DST: variants seen among roughly 807,000 people sequenced by gnomAD.
DST encodes dystonin, also known as bullous pemphigoid antigen.
A neutral mutation model predicts 875.2 loss-of-function variants in DST; 253 were observed. That is an observed-to-expected ratio of 0.29 (90% confidence interval 0.26 to 0.32). The LOEUF is 0.32. Among genes scored for constraint, DST ranks in the 10% least tolerant of loss-of-function variants. The pLI is 1.00. For missense variants in DST, 8,287 were observed against 9,111.6 expected (o/e 0.91, Z 3.68); for synonymous variants, 3,124 against 3,197.1 (o/e 0.98, Z 0.77).
Position 56,639,291 on chromosome 6 carries a change from G to A in DST, c.2932C>T (p.Leu978=). The change falls in exon 22 of 104, where the codon CTA becomes TTA. Residue 978 remains leucine (L), a synonymous_variant. Coordinates refer to ENST00000680361, the MANE Select transcript of DST (RefSeq NM_001374736.1). ...SVQEIAEQLL[L]ENHPARLTIE... ...GTTAACCGGGCTGGATGATTTTCTA[G>A]AAGTAGCTGCTCTGCTATCTCCTGA... is the stretch of plus-strand genomic sequence containing the variant. 1 of 1,613,806 alleles carries A rather than the reference G, an allele frequency of 6.2e-7. No homozygotes were observed. The highest frequency in any genetic ancestry group is 1.1e-5 in the South Asian group (1 of 91,076).
chr6:56,644,776 G>C (rs1359660771), intron 15 of DST, among the ~76,000 whole-genome samples: 1 of 152,162 alleles, frequency 6.6e-6, no homozygotes, highest in Non-Finnish European at 1.5e-5. Flanking sequence ...AGAGAGCAAG[G>C]GGGCTGGAGA....
chr6:56,711,557 A>G (rs1320847623), intron 5 of DST, among the ~76,000 whole-genome samples: 4 of 152,112 alleles, frequency 2.6e-5, no homozygotes, highest in Admixed American at 2.6e-4. Flanking sequence ...GTGTGGGGTA[A>G]TTATAATGTA....
At chr6:56,819,023 A>T (rs1232496013) in intron 4 of DST, among the ~76,000 whole-genome samples, 1 of 152,172 alleles carries the variant, frequency 6.6e-6, no homozygotes. Context: ...TCTTCAGAAA[A>T]AAAATACTAC....
intron 2 of DST, among the ~76,000 whole-genome samples, chr6:56,950,855 G>T (rs1174560942): frequency 6.6e-6 from 1 of 152,054 alleles, no homozygotes; most frequent in Non-Finnish European, 1.5e-5. Flanking sequence ...AAATAAAAAG[G>T]GTTGGCAGTT....
intron 3 of DST, among the ~76,000 whole-genome samples, chr6:56,899,737 C>T (rs891879990): frequency 2.0e-5 from 3 of 152,048 alleles, no homozygotes; most frequent in Non-Finnish European, 2.9e-5. Flanking sequence ...TGAGCCAGAA[C>T]CAAGGAAAGA....
At chr6:56,556,006 C>T (rs561677833) in intron 59 of DST, among the ~76,000 whole-genome samples, 166 bp from the exon 60 acceptor site, 3 of 152,200 alleles carry the variant, frequency 2.0e-5, no homozygotes, top group Non-Finnish European at 2.9e-5. Context: ...CTCTTAAATC[C>T]GAAGAGCCAC....
At chr6:56,859,905 G>T (rs756236242) in intron 3 of DST, among the ~76,000 whole-genome samples, 1 of 152,084 alleles carries the variant, frequency 6.6e-6, no homozygotes, top group Non-Finnish European at 1.5e-5. Context: ...TCGAGCCTCC[G>T]CAGTCCCTTC....
intron 10 of DST, among the ~76,000 whole-genome samples, chr6:56,667,755 T>C (rs1276993164): frequency 1.3e-5 from 2 of 151,898 alleles, no homozygotes. Context: ...TTGTAGGAAA[T>C]TTTAGGATCT....
intron 2 of DST, among the ~76,000 whole-genome samples, chr6:56,936,456 G>C (rs1351869159): frequency 6.6e-6 from 1 of 152,150 alleles, no homozygotes; most frequent in Non-Finnish European, 1.5e-5. Flanking sequence ...ACCCAGAAAT[G>C]GGTACTGATG....
Position 56,608,436 on chromosome 6 carries a change from T to C in DST, c.6192A>G (p.Glu2064=), listed in dbSNP as rs766648565. 6.2e-7 allele frequency: 1 copy of C among 1,613,736 alleles called. No homozygotes were observed. Among genetic ancestry groups the C allele is most frequent in the Non-Finnish European group, 8.5e-7 (1 of 1,179,784 alleles). The change falls in exon 40 of 104, where the codon GAA becomes GAG. Residue 2064 remains glutamate (E), a synonymous_variant. Coordinates refer to ENST00000680361, the MANE Select transcript of DST (RefSeq NM_001374736.1). ...ITSSSALLVL[E]AQRGYVGLIW... ...TGAGTCCAACATAGCCTCGCTGAGC[T>C]TCCAGGACCAGAAGAGCACTGCTGG...
chr6:56,669,599 AAAAAAAAAAAAG>A (rs991473567), intron 10 of DST, among the ~76,000 whole-genome samples: 2 of 151,624 alleles, frequency 1.3e-5, no homozygotes, highest in African/African-American at 2.4e-5. Flanking sequence ...TCATCTCAAA[AAAAAAAAAAAAG>A]AAAAAGTAGT....
chr6:56,571,451 A>G (rs1320952923), intron 53 of DST, among the ~76,000 whole-genome samples: 1 of 152,214 alleles, frequency 6.6e-6, no homozygotes, highest in Admixed American at 6.5e-5. Context: ...AATAAAGAAC[A>G]GTAGTTGGAA....
intron 49 of DST, among the ~76,000 whole-genome samples, chr6:56,590,030 C>T (rs949417621): frequency 3.3e-5 from 5 of 152,166 alleles, no homozygotes; most frequent in Non-Finnish European, 7.3e-5. Flanking sequence ...GCCACCTAAT[C>T]CTCATAAAAA....
At chr6:56,532,233 T>G in intron 64 of DST, 111 bp downstream of exon 64, 1 of 998,654 alleles carries the variant, frequency 1.0e-6, no homozygotes, top group Non-Finnish European at 1.5e-6. Context: ...TTCACATACA[T>G]GATAAACATA....
intron 2 of DST, among the ~76,000 whole-genome samples, chr6:56,916,432 C>T (rs1288171401): frequency 6.6e-6 from 1 of 152,174 alleles, no homozygotes; most frequent in African/African-American, 2.4e-5. Flanking sequence ...TTGAGCATCA[C>T]TCCTGCCAGT....
intron 4 of DST, among the ~76,000 whole-genome samples, chr6:56,789,598 C>T (rs2099711429): frequency 6.6e-6 from 1 of 152,202 alleles, no homozygotes; most frequent in Admixed American, 6.5e-5. Flanking sequence ...CGTTAAACAA[C>T]TCTCAATTTC....
intron 85 of DST, 125 bp downstream of exon 85, chr6:56,492,102 A>G: frequency 1.1e-6 from 1 of 895,538 alleles, no homozygotes; most frequent in Non-Finnish European, 1.7e-6. Context: ...AAGAACCACC[A>G]TGGCACCATG....
At chr6:56,523,962 T>C (rs1344556401) in intron 69 of DST, among the ~76,000 whole-genome samples, 5 of 152,198 alleles carry the variant, frequency 3.3e-5, no homozygotes, top group Admixed American at 6.5e-5. Context: ...CTCAGAATGG[T>C]AATTTGTTTA....
chr6:56,778,413 A>G (rs1021590581), intron 4 of DST, among the ~76,000 whole-genome samples: 1 of 130,246 alleles, frequency 7.7e-6, no homozygotes, highest in African/African-American at 3.0e-5. Flanking sequence ...TTTAAGTTTT[A>G]GGGTACATGT....
Sources: gnomAD v4.1 joint callset for allele counts (sites outside exome capture counted in the v4.1 genomes callset) on GRCh38, gnomAD v4.1.1 for gene constraint, MANE v1.5 for transcripts, NCBI Gene and HGNC (gene_info 2026-07-23, HGNC 2026-07-21) for gene names.